Variants in HECW1 observed in about 807,000 individuals in gnomAD.
The protein encoded by HECW1 is HECT, C2 and WW domain containing E3 ubiquitin protein ligase 1, also known as E3 ubiquitin-protein ligase HECW1.
HECW1 carries 61 observed loss-of-function variants against 182.3 expected under a neutral mutation model. The observed-to-expected ratio is 0.33, with a 90% CI of 0.27 to 0.41. The LOEUF (loss-of-function observed/expected upper bound fraction) is 0.41. Ranked by LOEUF, HECW1 falls within the 10% of genes least tolerant of loss-of-function variation. The pLI is 1.00. For missense variants in HECW1, 1,739 were observed against 2,108.9 expected, an observed-to-expected ratio of 0.82 and a Z score of 3.44; for synonymous variants, 859 against 832.6, an observed-to-expected ratio of 1.03 and a Z score of -0.55.
chr7:43,281,713 C>CTTTTTTTTTTTT, intron 3 of HECW1, among the ~76,000 whole-genome samples: 1 of 77,350 alleles, frequency 1.3e-5, no homozygotes, highest in Non-Finnish European at 2.4e-5. Context: ...TCTTTGCTTT[C>CTTTTTTTTTTTT]TTTTTTTTTT....
chr7:43,428,947 G>A (rs1303547373), intron 8 of HECW1, among the ~76,000 whole-genome samples: 1 of 151,724 alleles, frequency 6.6e-6, no homozygotes, highest in Non-Finnish European at 1.5e-5. Context: ...ATACATATAT[G>A]TGTAATATAT....
intron 19 of HECW1, among the ~76,000 whole-genome samples, chr7:43,496,942 G>A (rs1198216616): frequency 2.0e-5 from 3 of 152,166 alleles, no homozygotes; most frequent in Non-Finnish European, 2.9e-5. Flanking sequence ...AGTAGCAAGC[G>A]AAACAGACCT....
intron 3 of HECW1, among the ~76,000 whole-genome samples, chr7:43,262,276 G>A (rs1435801637): frequency 7.3e-6 from 1 of 136,246 alleles, no homozygotes; most frequent in Non-Finnish European, 1.6e-5. Flanking sequence ...ATAACCTAAA[G>A]AAATCAATAA....
intron 17 of HECW1, among the ~76,000 whole-genome samples, chr7:43,490,734 T>C (rs1023099040): frequency 1.5e-4 from 23 of 152,240 alleles, no homozygotes; most frequent in African/African-American, 5.5e-4. Context: ...AAATTTAAAA[T>C]TGAGCTAAGT....
rs542280982 is a variant in HECW1, at chr7:43,254,166, G to A, written c.27+10234G>A. On this transcript the variant is annotated intron_variant, in intron 3 of 29. Coordinates refer to ENST00000395891, the MANE Select transcript of HECW1 (RefSeq NM_015052.5). ...CCAGATTAGATGAACAATTGCCTGG[G>A]AAGCGTCTTTGTTTCCTGAGTCAGG... Among the ~76,000 whole-genome samples the A allele has an allele frequency of 6.1e-3, 924 of 152,272 alleles. 10 individuals are homozygous for A. Among genetic ancestry groups the A allele is most frequent in the African/African-American group, 0.022 (897 of 41,550 alleles).
At chr7:43,224,901 G>C (rs2152705181) in intron 2 of HECW1, among the ~76,000 whole-genome samples, 1 of 152,358 alleles carries the variant, frequency 6.6e-6, no homozygotes, top group African/African-American at 2.4e-5. Flanking sequence ...AGTGGAGGGA[G>C]TGGCTGGGAG....
rs547740052 is a variant in HECW1 at position 43,465,574 on chromosome 7, T to C, written c.2792-873T>C. Among the ~76,000 whole-genome samples, 9 of 152,306 alleles carry C rather than the reference T, an allele frequency of 5.9e-5. No individual in the cohort carries two copies. In the South Asian group the frequency reaches 1.5e-3, roughly 25 times the overall value. ...TGACCCGTTGTCACTTCTGACATGT[T>C]CTATTGGTTGAAACAAGGCACAAGG... On this transcript the variant is annotated intron_variant, in intron 14 of 29. Coordinates refer to ENST00000395891, the MANE Select transcript of HECW1 (RefSeq NM_015052.5).
chr7:43,542,095 A>G, intron 26 of HECW1, 97 bp downstream of exon 26: 2 of 1,096,086 alleles, frequency 1.8e-6, no homozygotes, highest in Non-Finnish European at 2.4e-6. Flanking sequence ...TTAAGTGTAG[A>G]CTTCAGTGCT....
At chr7:43,319,407 A>AG (rs1243884353) in intron 4 of HECW1, among the ~76,000 whole-genome samples, 4 of 146,774 alleles carry the variant, frequency 2.7e-5, no homozygotes, top group Non-Finnish European at 6.0e-5. Context: ...AAAAAAAAAA[A>AG]AAGAGAGAAC....
intron 2 of HECW1, among the ~76,000 whole-genome samples, chr7:43,223,115 T>C (rs544722604): frequency 2.5e-4 from 38 of 152,292 alleles, no homozygotes; most frequent in African/African-American, 9.1e-4. Flanking sequence ...AAAAATGAAG[T>C]CATCCTTCTC....
At chr7:43,131,960 T>TGGCCTGGG (rs1197197365) in intron 2 of HECW1, among the ~76,000 whole-genome samples, 5 of 152,188 alleles carry the variant, frequency 3.3e-5, no homozygotes, top group Admixed American at 2.6e-4. Flanking sequence ...GAGGGAAAGG[T>TGGCCTGGG]GGCCTGGGGG....
chr7:43,542,293 T>TAA (rs1390811050), intron 26 of HECW1, among the ~76,000 whole-genome samples: 2 of 152,136 alleles, frequency 1.3e-5, no homozygotes, highest in Non-Finnish European at 2.9e-5. Flanking sequence ...TATACAATAT[T>TAA]TGTTTTTTTG....
intron 6 of HECW1, among the ~76,000 whole-genome samples, chr7:43,385,946 C>A (rs973252613): frequency 1.3e-5 from 2 of 152,230 alleles, no homozygotes; most frequent in Non-Finnish European, 2.9e-5. Context: ...GAGTTCTCAT[C>A]TGGAAGTTCT....
At chr7:43,337,735 A>C (rs777136553) in intron 5 of HECW1, among the ~76,000 whole-genome samples, 2 of 152,234 alleles carry the variant, frequency 1.3e-5, no homozygotes, top group Admixed American at 6.5e-5. Flanking sequence ...TTGTCTCCCA[A>C]GAGGCAACAA....
chr7:43,436,582 TG>T (rs1170253853), intron 8 of HECW1, among the ~76,000 whole-genome samples: 16 of 151,938 alleles, frequency 1.1e-4, no homozygotes, highest in Admixed American at 1.3e-4. Flanking sequence ...AGGTGCTCAG[TG>T]GGGGAGCTTC....
chr7:43,277,967 C>G (rs573155046), intron 3 of HECW1, among the ~76,000 whole-genome samples: 2 of 152,248 alleles, frequency 1.3e-5, no homozygotes, highest in South Asian at 4.2e-4. Flanking sequence ...CTGACTCCCC[C>G]AGACCTTTAA....
chr7:43,507,590 C>T (rs2152927866), intron 22 of HECW1, among the ~76,000 whole-genome samples: 1 of 152,242 alleles, frequency 6.6e-6, no homozygotes, highest in East Asian at 1.9e-4. Flanking sequence ...TTTCCCTTCA[C>T]TTATTCTTGG....
chr7:43,273,645 G>A (rs1802702262), intron 3 of HECW1, among the ~76,000 whole-genome samples: 1 of 152,058 alleles, frequency 6.6e-6, no homozygotes, highest in Non-Finnish European at 1.5e-5. Context: ...ATAAGTTAGA[G>A]ACAGAAATCT....
chr7:43,154,719 A>G (rs546589069), intron 2 of HECW1, among the ~76,000 whole-genome samples: 3 of 152,314 alleles, frequency 2.0e-5, no homozygotes, highest in East Asian at 3.9e-4. Flanking sequence ...CTTAAGCCAC[A>G]CTGCGCTGTT....
Sources: gnomAD v4.1 joint callset for allele counts (sites outside exome capture counted in the v4.1 genomes callset) on GRCh38, gnomAD v4.1.1 for gene constraint, MANE v1.5 for transcripts, NCBI Gene and HGNC (gene_info 2026-07-23, HGNC 2026-07-21) for gene names.